The following RNF182 variants were observed in gnomAD, a reference collection of about 807,000 sequenced individuals.
RNF182 encodes ring finger protein 182, also known as E3 ubiquitin-protein ligase RNF182.
RNF182 carries 15 observed loss-of-function variants against 14.4 expected under a neutral mutation model. That is an observed-to-expected ratio of 1.04 (90% CI 0.70 to 1.60). The LOEUF (loss-of-function observed/expected upper bound fraction) is 1.60. Ranked by LOEUF, RNF182 falls within the 40% of genes most tolerant of loss-of-function variation. The pLI is 0.00. For missense variants in RNF182, 268 were observed against 294.8 expected (o/e 0.91, Z 0.67); for synonymous variants, 128 against 122.9 (o/e 1.04, Z -0.27).
intron 1 of RNF182, among the ~76,000 whole-genome samples, chr6:13,937,096 A>G (rs952214439): frequency 1.3e-5 from 2 of 152,254 alleles, no homozygotes; most frequent in Non-Finnish European, 2.9e-5. Flanking sequence ...TTTCACAATC[A>G]CATTACTTGT....
chr6:13,969,877 G>A (rs910360052), intron 1 of RNF182, among the ~76,000 whole-genome samples: 9 of 152,024 alleles, frequency 5.9e-5, no homozygotes, highest in Admixed American at 5.9e-4. Context: ...ATTTTTCTAG[G>A]AAAAGAAAAC....
chr6:13,961,605 T>A (rs776989099), intron 1 of RNF182: 21 of 152,286 alleles, frequency 1.4e-4, no homozygotes, highest in Non-Finnish European at 2.9e-4. Flanking sequence ...CCTGAACATT[T>A]ATTGGTTTAA....
chr6:13,949,005 A>G, intron 1 of RNF182: 1 of 447,596 alleles, frequency 2.2e-6, no homozygotes, highest in Non-Finnish European at 4.0e-6. Context: ...AATCATACGG[A>G]CAAAATCTAC....
chr6:13,932,794 TTA>T (rs1759006477), intron 1 of RNF182, among the ~76,000 whole-genome samples: 1 of 152,236 alleles, frequency 6.6e-6, no homozygotes, highest in Non-Finnish European at 1.5e-5. Context: ...GCTGTTCCAA[TTA>T]ATATAAGACA....
chr6:13,941,420 T>C (rs1759296466), intron 1 of RNF182, among the ~76,000 whole-genome samples: 1 of 152,112 alleles, frequency 6.6e-6, no homozygotes, highest in Non-Finnish European at 1.5e-5. Flanking sequence ...ATACTTTAAA[T>C]TTCCTGACTC....
intron 1 of RNF182, among the ~76,000 whole-genome samples, chr6:13,930,808 A>G (rs1050658880): frequency 1.3e-5 from 2 of 152,238 alleles, no homozygotes; most frequent in Admixed American, 1.3e-4. Flanking sequence ...GATTGTCACC[A>G]TAATTCTTGT....
At chr6:13,960,729 T>G (rs576569670) in intron 1 of RNF182, among the ~76,000 whole-genome samples, 1 of 151,542 alleles carries the variant, frequency 6.6e-6, no homozygotes, top group Non-Finnish European at 1.5e-5. Context: ...CAGTATTAGT[T>G]ACATTTAGTG....
intron 1 of RNF182, chr6:13,949,581 T>A: frequency 2.3e-6 from 1 of 432,488 alleles, no homozygotes; most frequent in East Asian, 5.1e-5. Context: ...GATAAAATGA[T>A]GATGTCCTTC....
intron 1 of RNF182, among the ~76,000 whole-genome samples, chr6:13,971,998 T>C (rs1760197057): frequency 6.6e-6 from 1 of 152,188 alleles, no homozygotes; most frequent in South Asian, 2.1e-4. Flanking sequence ...TTGGAATTTG[T>C]GTTTAAAAGG....
chr6:13,972,716 G>A (rs531226286), intron 1 of RNF182, among the ~76,000 whole-genome samples: 150 of 152,296 alleles, frequency 9.8e-4, no homozygotes, highest in African/African-American at 3.3e-3. Context: ...CACAGAAGTC[G>A]AGAATTGAGG....
intron 1 of RNF182, among the ~76,000 whole-genome samples, chr6:13,952,473 C>T (rs899509624): frequency 7.9e-5 from 12 of 152,094 alleles, no homozygotes; most frequent in Non-Finnish European, 1.0e-4. Flanking sequence ...TAACCCCTTA[C>T]GTCTCGGGAG....
intron 1 of RNF182, among the ~76,000 whole-genome samples, chr6:13,938,175 ATTTTTTTTTT>A (rs1169253099): frequency 2.2e-5 from 2 of 92,732 alleles, no homozygotes; most frequent in South Asian, 3.7e-4. Context: ...AATTTTTTGT[ATTTTTTTTTT>A]TTTTTTTTTT....
intron 1 of RNF182, among the ~76,000 whole-genome samples, chr6:13,936,932 G>C (rs1254202758): frequency 6.6e-6 from 1 of 152,126 alleles, no homozygotes; most frequent in Non-Finnish European, 1.5e-5. Flanking sequence ...ATTGGGGAGG[G>C]GGTGGAGTGA....
rs1241689146 is a variant in RNF182 at position 13,979,356 on chromosome 6, TAGAA to T, written c.*1496_*1499del. ...TTAACATTAAAATATTTGTAACTCT[TAGAA>T]AGGGGGCATTACTAAGACGACTTTA... is the stretch of plus-strand genomic sequence containing the variant. On this transcript the variant is annotated 3_prime_UTR_variant, in exon 3 of 3. Coordinates refer to ENST00000488300, the MANE Select transcript of RNF182 (RefSeq NM_152737.4). 1 of 167,040 alleles carries T rather than the reference TAGAA, an allele frequency of 6.0e-6. No homozygotes were observed. Among genetic ancestry groups the T allele is most frequent in the Non-Finnish European group, 1.5e-5 (1 of 68,118 alleles). 10.3% of individuals were successfully genotyped at this position (167,040 alleles called of 1,614,324 possible).
intron 1 of RNF182, among the ~76,000 whole-genome samples, chr6:13,944,479 C>A (rs1409642102): frequency 6.6e-6 from 1 of 152,012 alleles, no homozygotes; most frequent in Non-Finnish European, 1.5e-5. Context: ...AAGTGGAGGC[C>A]TAGTTGAAAA....
intron 1 of RNF182, among the ~76,000 whole-genome samples, chr6:13,964,859 G>T (rs1330830987): frequency 6.6e-6 from 1 of 152,186 alleles, no homozygotes; most frequent in Non-Finnish European, 1.5e-5. Flanking sequence ...GCGTCCTTTG[G>T]AGCAGGAGAC....
chr6:13,926,599 A>G (rs1758831866), intron 1 of RNF182, among the ~76,000 whole-genome samples: 1 of 152,250 alleles, frequency 6.6e-6, no homozygotes, highest in African/African-American at 2.4e-5. Context: ...TCATGACGGT[A>G]ATAAAATCGT....
intron 1 of RNF182, among the ~76,000 whole-genome samples, chr6:13,947,769 T>C (rs1759476637): frequency 6.6e-6 from 1 of 152,162 alleles, no homozygotes; most frequent in East Asian, 1.9e-4. Flanking sequence ...ATAAATGAAT[T>C]TTGATTCCTT....
At chr6:13,950,653 C>CTA (rs1759564978) in intron 1 of RNF182, among the ~76,000 whole-genome samples, 1 of 152,036 alleles carries the variant, frequency 6.6e-6, no homozygotes. Flanking sequence ...CACACCACCA[C>CTA]ACATGGCTAA....
Sources: allele counts gnomAD v4.1 joint callset (sites outside exome capture counted in the v4.1 genomes callset), GRCh38; gene constraint gnomAD v4.1.1; transcripts MANE v1.5; gene names NCBI Gene and HGNC (gene_info 2026-07-23, HGNC 2026-07-21).